H2BC18: variants seen among roughly 807,000 people sequenced by gnomAD.
H2BC18 encodes H2B clustered histone 18.
In H2BC18, 8 loss-of-function variants were observed where a neutral mutation model predicts 6.3. The observed-to-expected ratio is 1.28, with a 90% CI of 0.75 to 2.31. H2BC18 has a LOEUF of 2.31. H2BC18 is among the 30% of genes most tolerant of loss of function. The pLI, the probability that H2BC18 is intolerant of heterozygous loss-of-function variation, is 0.00. For missense variants in H2BC18, 106 were observed against 174.5 expected, an observed-to-expected ratio of 0.61 and a Z score of 2.21; for synonymous variants, 104 against 78.1, an observed-to-expected ratio of 1.33 and a Z score of -1.75.
At chr1:149,791,541 G>C (rs782058132) in intron 1 of H2BC18, 1 of 1,610,076 alleles carries the variant, frequency 6.2e-7, no homozygotes, top group Non-Finnish European at 8.5e-7. Context: ...GGTGGCCATC[G>C]ATCTGGACCG....
intron 1 of H2BC18, among the ~76,000 whole-genome samples, chr1:149,795,258 A>ATAAG (rs1231383218): frequency 8.9e-6 from 1 of 111,742 alleles, no homozygotes; most frequent in Admixed American, 9.1e-5. Context: ...TCAAAAATAA[A>ATAAG]TAAATAAATA....
chr1:149,798,618 T>TAAA lies in H2BC18; in HGVS notation c.377+13326_377+13328dup, dbSNP rs60311651. Among the ~76,000 whole-genome samples, 299 of 139,658 alleles carry TAAA rather than the reference T, an allele frequency of 2.1e-3. 2 individuals are homozygous for TAAA. The highest frequency in any genetic ancestry group is 4.7e-3 in the African/African-American group (178 of 38,234). The allele number at this position is 139,658 out of a possible 152,430, so 91.6% of individuals were successfully genotyped here. The stretch of plus-strand genomic sequence containing the variant: ...TATAAATGTATTTTTAAACCGACTT[T>TAAA]AAAAAAAAAAAAAAAAGAGGAACTT... On this transcript the variant is annotated intron_variant, in intron 1 of 1. Coordinates refer to the H2BC18 transcript ENST00000545683.
In H2BC18 at chr1:149,792,596, C is replaced by T. The variant is rs587679229; in HGVS notation, c.378-9336G>A. The T allele has an allele frequency of 9.8e-4, 1,179 of 1,204,846 alleles. 57 individuals are homozygous for T. In the African/African-American group the frequency reaches 0.018, roughly 19 times the overall value. The allele number at this position is 1,204,846 out of a possible 1,614,324, so 74.6% of individuals were successfully genotyped here. ...GGCGTCGCGCTCCGAGCGTGTCCCG[C>T]GGCGGGCCCCTGGCGCCACACTGTG... On this transcript the variant is annotated intron_variant, in intron 1 of 1. Transcript: ENST00000545683.
chr1:149,791,606 C>G lies in H2BC18; in HGVS notation c.378-8346G>C, dbSNP rs1392384022. 5 of 1,547,108 alleles carry G rather than the reference C, an allele frequency of 3.2e-6. No individual in the cohort carries two copies. The Admixed American group carries it at 1.0e-4, about 32-fold the overall frequency. ...TGCGTACAAACATCCAAAAGTTCAA[C>G]AACACCAGAACTGTGTGTCTCATGG... On this transcript the variant is annotated intron_variant, in intron 1 of 1. Coordinates refer to the H2BC18 transcript ENST00000545683.
In H2BC18 at chr1:149,812,318, C is replaced by G. The variant is rs782705815; in HGVS notation, c.6G>C (p.Pro2=). The G allele has an allele frequency of 1.2e-6, 2 of 1,614,118 alleles. No homozygotes were observed. The highest frequency in any genetic ancestry group is 1.7e-6 in the Non-Finnish European group (2 of 1,180,014). The stretch of plus-strand genomic sequence containing the variant: ...GAGCAGGAGCGGATTTCGCTGGATC[C>G]GGCATTTTTGCGCGAAAAAAGAGAA... The part of the protein sequence containing the change: M[P]DPAKSAPAPK... Residue 2 remains proline, a synonymous_variant, in exon 1 of 1, where the codon CCG becomes CCC. Coordinates refer to ENST00000369167, the MANE Select transcript of H2BC18 (RefSeq NM_001024599.5).
In H2BC18 at chr1:149,812,213, G is replaced by C. The variant is rs2091985837; in HGVS notation, c.111C>G (p.Ser37Arg). 1 of 1,614,282 alleles carries C rather than the reference G, an allele frequency of 6.2e-7. No individual in the cohort carries two copies. Among genetic ancestry groups the C allele is most frequent in the Non-Finnish European group, 8.5e-7 (1 of 1,180,050 alleles). Residue 37 changes from serine to arginine, a missense_variant, in exon 1 of 1, where the codon AGC (serine) becomes AGG (arginine). By Grantham distance (110) the Ser-to-Arg change is moderately radical. This residue lies in a region of H2BC18 where 70 missense variants were observed against 64.6 expected (regional missense o/e 1.08). Coordinates refer to ENST00000369167, the MANE Select transcript of H2BC18 (RefSeq NM_001024599.5). ...GCACCTTGTACACGTAAACGGAGTA[G>C]CTCTCCTTGCGGCTGCGCTTGCGCT... ...GKKRKRSRKESYSVYVYKVLK... is the reference protein window; with the variant it reads ...GKKRKRSRKERYSVYVYKVLK...
intron 1 of H2BC18, among the ~76,000 whole-genome samples, chr1:149,794,655 CAG>C (rs1371774209): frequency 1.9e-5 from 1 of 51,442 alleles, no homozygotes; most frequent in African/African-American, 8.5e-5. Context: ...GGAGGGAAAA[CAG>C]AGAATAAAAC....
rs1553754615 is a variant in H2BC18 at position 149,812,240 on chromosome 1, C to T, written c.84G>A (p.Lys28=). The T allele has an allele frequency of 2.5e-6, 4 of 1,614,140 alleles. No individual in the cohort carries two copies. Among genetic ancestry groups the T allele is most frequent in the Admixed American group, 3.3e-5 (2 of 60,010 alleles). Residue 28 remains lysine (K), a synonymous_variant, in exon 1 of 1, where the codon AAG becomes AAA. Transcript: ENST00000369167. ...AVTKVQKKDG[K]KRKRSRKESY... is the part of the protein sequence containing the mutation. Reference sequence around the variant, plus strand: ...TCTCCTTGCGGCTGCGCTTGCGCTTCTTGCCGTCCTTCTTCTGCACTTTCG... The same window carrying T: ...TCTCCTTGCGGCTGCGCTTGCGCTTTTTGCCGTCCTTCTTCTGCACTTTCG...
chr1:149,790,550 T>G (rs1434340465), intron 1 of H2BC18: 5 of 1,000,448 alleles, frequency 5.0e-6, no homozygotes, highest in African/African-American at 1.6e-5. Context: ...TTCTTTTTCC[T>G]TTGCCTTTCC....
At chr1:149,804,269 C>G (rs1553753656) in intron 1 of H2BC18, among the ~76,000 whole-genome samples, 2 of 152,034 alleles carry the variant, frequency 1.3e-5, no homozygotes, top group African/African-American at 4.8e-5. Flanking sequence ...TTAAAAGCAT[C>G]ATCTGATAGA....
At chr1:149,806,756 A>T (rs1455283479) in intron 1 of H2BC18, among the ~76,000 whole-genome samples, 1 of 152,230 alleles carries the variant, frequency 6.6e-6, no homozygotes, top group East Asian at 1.9e-4. Context: ...CAGTCATGCA[A>T]GTATCTAGGG....
chr1:149,786,485 C>G (rs587727231), intron 1 of H2BC18: 11 of 152,354 alleles, frequency 7.2e-5, no homozygotes, highest in Admixed American at 6.5e-4. Flanking sequence ...CGTCTATGCC[C>G]TATTTTAAAA....
At chr1:149,805,423 T>C (rs1467105619) in intron 1 of H2BC18, 2 of 152,168 alleles carry the variant, frequency 1.3e-5, no homozygotes, top group African/African-American at 4.8e-5. Context: ...ATACTGCCCT[T>C]CATAATGCTT....
downstream of H2BC18, chr1:149,811,085 C>A (rs2791058): frequency 6.6e-6 from 1 of 152,096 alleles, no homozygotes; most frequent in Non-Finnish European, 1.5e-5. Context: ...GTTAAGGAAA[C>A]GTTTGACTGA....
intron 1 of H2BC18, among the ~76,000 whole-genome samples, chr1:149,796,512 A>G (rs1404376790): frequency 1.3e-5 from 2 of 152,162 alleles, no homozygotes; most frequent in African/African-American, 4.8e-5. Context: ...CGAAGAGGAG[A>G]AATGAGCATT....
intron 1 of H2BC18, chr1:149,790,204 G>A (rs782812046): frequency 2.2e-5 from 35 of 1,613,596 alleles, no homozygotes; most frequent in Non-Finnish European, 2.8e-5. Context: ...AAGACCCTGC[G>A]AGGCAGGAAC....
chr1:149,800,277 C>T (rs1337777959), intron 1 of H2BC18, among the ~76,000 whole-genome samples: 4 of 152,236 alleles, frequency 2.6e-5, no homozygotes, highest in Non-Finnish European at 5.9e-5. Flanking sequence ...GTTCAGCTAT[C>T]CAGAAGCTCT....
chr1:149,803,694 G>C (rs2091893187), intron 1 of H2BC18: 1 of 152,192 alleles, frequency 6.6e-6, no homozygotes, highest in Non-Finnish European at 1.5e-5. Flanking sequence ...TCTGGCTTTG[G>C]CCATCTAAAG....
intron 1 of H2BC18, among the ~76,000 whole-genome samples, chr1:149,785,241 G>T: frequency 6.6e-6 from 1 of 152,088 alleles, no homozygotes; most frequent in African/African-American, 2.4e-5. Flanking sequence ...CACACTGGAG[G>T]CAAAATTGCC....
Sources: allele counts gnomAD v4.1 joint callset (sites outside exome capture counted in the v4.1 genomes callset), GRCh38; gene constraint gnomAD v4.1.1; regional missense constraint gnomAD v4.1.1; transcripts MANE v1.5; gene names NCBI Gene and HGNC (gene_info 2026-07-23, HGNC 2026-07-21).